Variants in CCDC14 observed in about 807,000 individuals in gnomAD.
CCDC14 encodes the protein coiled-coil domain-containing protein 14.
Under a neutral mutation model 81.4 loss-of-function variants are expected in CCDC14, and 71 were observed. The observed-to-expected ratio is 0.87, with a 90% CI of 0.72 to 1.06. The LOEUF is 1.06. Ranked by LOEUF, CCDC14 falls within the 50% of genes least tolerant of loss-of-function variation. CCDC14 has a pLI of 0.00. For synonymous variants in CCDC14, 332 were observed against 364.8 expected, an observed-to-expected ratio of 0.91 and a Z score of 1.03; for missense variants, 1,046 against 1,047.3, an observed-to-expected ratio of 1.00 and a Z score of 0.02.
intron 9 of CCDC14, among the ~76,000 whole-genome samples, chr3:123,942,449 C>A (rs117385988): frequency 1.3e-5 from 2 of 152,136 alleles, no homozygotes; most frequent in East Asian, 3.9e-4. Context: ...AGATCTTAAA[C>A]CCAGCAACCC....
At chr3:123,949,582 CA>C (rs1312446048) in intron 5 of CCDC14, 2 of 153,756 alleles carry the variant, frequency 1.3e-5, no homozygotes, top group Admixed American at 1.3e-4. Flanking sequence ...ACCAAACAAA[CA>C]AAATCTTGGC....
chr3:123,933,725 T>C lies in CCDC14; in HGVS notation c.1374A>G (p.Arg458=). The C allele has an allele frequency of 1.3e-6, 2 of 1,573,022 alleles. No homozygotes were observed. Among genetic ancestry groups the C allele is most frequent in the Non-Finnish European group, 1.7e-6 (2 of 1,156,640 alleles). The change falls in exon 10 of 13, where the codon AGA becomes AGG. Residue 458 remains arginine (R), a synonymous_variant. Transcript: ENST00000409697. ...RQLRILNQQL[R]EQQKTQKPSG... Reference sequence around the variant, plus strand: ...ATGGTTTTTGAGTTTTCTGTTGTTCTCTGAGTTGCTGGTTCAAAATTCTCA... The same window carrying C: ...ATGGTTTTTGAGTTTTCTGTTGTTCCCTGAGTTGCTGGTTCAAAATTCTCA...
intron 5 of CCDC14, among the ~76,000 whole-genome samples, chr3:123,904,449 C>T (rs1228213726): frequency 6.6e-6 from 1 of 151,840 alleles, no homozygotes; most frequent in Non-Finnish European, 1.5e-5. Context: ...AAAAAAATAG[C>T]AAGCATGATA....
At chr3:123,952,767 C>T (rs2037093257) in intron 5 of CCDC14, 1 of 273,286 alleles carries the variant, frequency 3.7e-6, no homozygotes, top group Non-Finnish European at 8.7e-6. Flanking sequence ...TAATAGATCG[C>T]TTAAAGTTCT....
Position 123,918,781 on chromosome 3 carries a change from T to C in CCDC14, c.1779-3063A>G, listed in dbSNP as rs1362630213. On this transcript the variant is annotated intron_variant, in intron 12 of 12. Coordinates refer to ENST00000409697, the MANE Select transcript of CCDC14 (RefSeq NM_001366335.1). ...GTTAGCGGAAAACAAAAAAGAGGGA[T>C]ACAGCTCATAGCGGCTACAGCACAG... is the stretch of plus-strand genomic sequence containing the variant. Among the ~76,000 whole-genome samples, 3 of 152,250 alleles carry C rather than the reference T, an allele frequency of 2.0e-5. No individual in the cohort carries two copies. The East Asian group carries it at 5.8e-4, about 29-fold the overall frequency.
In CCDC14 at chr3:123,915,473, G is replaced by C. The variant is rs372947520; in HGVS notation, c.2024C>G (p.Thr675Ser). ...TCTGGAGGACAGAACATTTTCATAG[G>C]TTTTGTCTGGCTCTATGGTTTCCTC... ...KNEETIEPDKTYENVLSSRGP... is the reference protein window; with the variant it reads ...KNEETIEPDKSYENVLSSRGP... Residue 675 changes from threonine to serine, a missense_variant, in exon 13 of 13, where the codon ACC (threonine) becomes AGC (serine). Thr to Ser is a moderately conservative substitution (Grantham distance 58). Transcript: ENST00000409697. 1.2e-6 allele frequency: 2 copies of C among 1,613,810 alleles called. No individual in the cohort carries two copies. The highest frequency in any genetic ancestry group is 2.7e-5 in the African/African-American group (2 of 74,892).
chr3:123,896,928 G>A (rs527369113), downstream of CCDC14, among the ~76,000 whole-genome samples: 11 of 152,142 alleles, frequency 7.2e-5, no homozygotes, highest in South Asian at 2.3e-3. Flanking sequence ...GCAGGGGCAG[G>A]GAAAATGTAT....
chr3:123,898,170 T>C (rs1311415433), intron 5 of CCDC14, among the ~76,000 whole-genome samples: 1 of 152,208 alleles, frequency 6.6e-6, no homozygotes, highest in African/African-American at 2.4e-5. Context: ...CTTGCACAAG[T>C]GACTTAATTT....
At chr3:123,895,278 C>T (rs531030676), downstream of CCDC14, among the ~76,000 whole-genome samples, 4 of 152,216 alleles carry the variant, frequency 2.6e-5, no homozygotes, top group East Asian at 7.7e-4. Context: ...CTGGCTTGGC[C>T]CCCTTCACTG....
intron 9 of CCDC14, among the ~76,000 whole-genome samples, chr3:123,942,720 T>C (rs2036412539): frequency 6.6e-6 from 1 of 152,096 alleles, no homozygotes; most frequent in Non-Finnish European, 1.5e-5. Flanking sequence ...GCACCTGATA[T>C]GTACTCCAAT....
At chr3:123,920,953 T>G (rs2035011720) in intron 12 of CCDC14, among the ~76,000 whole-genome samples, 1 of 152,186 alleles carries the variant, frequency 6.6e-6, no homozygotes, top group Admixed American at 6.5e-5. Context: ...AAAGTGTAGT[T>G]TTTGTATGTG....
chr3:123,936,522 T>A (rs888875204), intron 9 of CCDC14, among the ~76,000 whole-genome samples: 8 of 152,214 alleles, frequency 5.3e-5, no homozygotes, highest in African/African-American at 1.9e-4. Context: ...AAGAATGAGA[T>A]CATGTTTTTT....
At chr3:123,924,453 T>C (rs1485811611) in intron 12 of CCDC14, among the ~76,000 whole-genome samples, 1 of 152,038 alleles carries the variant, frequency 6.6e-6, no homozygotes, top group African/African-American at 2.4e-5. Flanking sequence ...CGTATCAAAC[T>C]AAAAGGCTTT....
chr3:123,923,608 T>C (rs1430930731), intron 12 of CCDC14, among the ~76,000 whole-genome samples: 10 of 151,946 alleles, frequency 6.6e-5, no homozygotes, highest in Admixed American at 5.9e-4. Flanking sequence ...AACATTTCTA[T>C]ACACTCACAA....
At position 123,947,329 on chromosome 3, in the gene CCDC14, G is replaced by A; in HGVS notation, c.685-10C>T. ...CATCAGTTTGAACTTCCTAAAGAAA[G>A]ATAAAAACAAGTCTTCAGAAGTATG... On this transcript the variant is annotated splice_polypyrimidine_tract_variant and intron_variant, in intron 7 of 12. Coordinates refer to ENST00000409697, the MANE Select transcript of CCDC14 (RefSeq NM_001366335.1). The A allele has an allele frequency of 6.3e-7, 1 of 1,590,722 alleles. No homozygotes were observed. The highest frequency in any genetic ancestry group is 8.6e-7 in the Non-Finnish European group (1 of 1,168,242).
chr3:123,933,650 A>G lies in CCDC14; in HGVS notation c.1426+23T>C, dbSNP rs549208822. 4.6e-4 allele frequency: 688 copies of G among 1,503,272 alleles called. 8 individuals carry two copies. The South Asian group carries it at 5.4e-3, about 12-fold the overall frequency. The allele number at this position is 1,503,272 out of a possible 1,614,324, so 93.1% of individuals were successfully genotyped here. A position where few individuals can be genotyped will look rare whatever the true frequency, so the allele number is the denominator to read the frequency against. On this transcript the variant is annotated intron_variant, in intron 10 of 12. Coordinates refer to ENST00000409697, the MANE Select transcript of CCDC14 (RefSeq NM_001366335.1). ...TTCCGGAGCCACAAATAATTTATCA[A>G]TCCTTAAAGTTCTTTTACCTACATT...
chr3:123,903,203 T>C (rs2034212688), intron 5 of CCDC14, among the ~76,000 whole-genome samples: 2 of 152,116 alleles, frequency 1.3e-5, no homozygotes, highest in Non-Finnish European at 2.9e-5. Flanking sequence ...GCCATGGTTA[T>C]TGGGCTGGCT....
At chr3:123,933,501 C>T in intron 10 of CCDC14, 172 bp downstream of exon 10, 1 of 572,576 alleles carries the variant, frequency 1.7e-6, no homozygotes. Flanking sequence ...TATTTCAAAA[C>T]AAACAAACAA....
At chr3:123,939,927 G>A (rs1459659550) in intron 9 of CCDC14, among the ~76,000 whole-genome samples, 1 of 151,900 alleles carries the variant, frequency 6.6e-6, no homozygotes, top group East Asian at 1.9e-4. Flanking sequence ...TTTTGGCACA[G>A]ATAGTGGTAA....
Sources: allele counts gnomAD v4.1 joint callset (sites outside exome capture counted in the v4.1 genomes callset), GRCh38; gene constraint gnomAD v4.1.1; transcripts MANE v1.5; gene names NCBI Gene and HGNC (gene_info 2026-07-23, HGNC 2026-07-21).